The following TESK2 variants were observed in gnomAD, a reference collection of about 807,000 sequenced individuals.
The protein encoded by TESK2 is dual specificity testis-specific protein kinase 2.
Under a neutral mutation model 57.1 loss-of-function variants are expected in TESK2, and 39 were observed. The ratio of observed to expected loss-of-function variants is 0.68; its 90% CI spans 0.53 to 0.89. TESK2 has a LOEUF of 0.89. Among genes scored for constraint, TESK2 ranks in the 40% least tolerant of loss-of-function variants. The probability of loss-of-function intolerance (pLI) is 0.00; values close to 1 mark genes in which losing one functional copy is unlikely to be tolerated. For synonymous variants in TESK2, 249 were observed against 267.9 expected, an observed-to-expected ratio of 0.93 and a Z score of 0.69; for missense variants, 646 against 732.1, an observed-to-expected ratio of 0.88 and a Z score of 1.36.
intron 3 of TESK2, among the ~76,000 whole-genome samples, chr1:45,409,461 T>C (rs1389273422): frequency 1.3e-5 from 2 of 152,370 alleles, no homozygotes; most frequent in Middle Eastern, 3.4e-3. Context: ...CAGAGCCACG[T>C]AGGCCAAATC....
Position 45,444,878 on chromosome 1 carries a change from C to T in TESK2, c.222+12686G>A, listed in dbSNP as rs72478601. ...GATAACAGTCCCTTCAGGAAACTAA[C>T]CCCCTGCTTGCTTGGGGATGAAACT... On this transcript the variant is annotated intron_variant, in intron 2 of 10. Coordinates refer to ENST00000372086, the MANE Select transcript of TESK2 (RefSeq NM_007170.3). 5.6e-4 allele frequency among the ~76,000 whole-genome samples: 85 copies of T among 152,204 alleles called. No homozygotes were observed. In the East Asian group the frequency reaches 0.013, roughly 23 times the overall value.
chr1:45,380,681 C>T (rs1648617763), intron 4 of TESK2, among the ~76,000 whole-genome samples: 1 of 152,180 alleles, frequency 6.6e-6, no homozygotes, highest in African/African-American at 2.4e-5. Context: ...TGGACAGCGT[C>T]AATTTAACCA....
chr1:45,469,089 T>C (rs1652665806), intron 1 of TESK2, among the ~76,000 whole-genome samples: 1 of 152,180 alleles, frequency 6.6e-6, no homozygotes, highest in Admixed American at 6.6e-5. Context: ...ATTTCATTTA[T>C]ATAGGAGTTG....
chr1:45,392,430 C>T (rs886617988), intron 3 of TESK2, among the ~76,000 whole-genome samples: 5 of 151,218 alleles, frequency 3.3e-5, no homozygotes, highest in East Asian at 2.0e-4. Flanking sequence ...TAGCCCGGCG[C>T]GGTGGCTCAC....
chr1:45,345,210 G>A lies in TESK2; in HGVS notation c.1346C>T (p.Pro449Leu). The A allele has an allele frequency of 6.2e-7, 1 of 1,614,140 alleles. No homozygotes were observed. The highest frequency in any genetic ancestry group is 8.5e-7 in the Non-Finnish European group (1 of 1,179,974). ...CAAGGAACGCCACCGGCGAATAGGT[G>A]GGGCCAGGGGCTCCTGCCAGTCAGC... ...PLADWQEPLA[P>L]PIRRWRSLPG... The change falls in exon 11 of 11, where the codon CCA becomes CTA. Residue 449 changes from proline (P) to leucine (L), a missense_variant. Transcript: ENST00000372086.
At chr1:45,367,939 G>A (rs571765204) in intron 4 of TESK2, among the ~76,000 whole-genome samples, 168 of 150,498 alleles carry the variant, frequency 1.1e-3, no homozygotes, top group Non-Finnish European at 1.9e-3. Context: ...GATTACAGGC[G>A]TAAGCCACCA....
At chr1:45,358,927 A>T (rs757698045) in intron 4 of TESK2, among the ~76,000 whole-genome samples, 2 of 152,214 alleles carry the variant, frequency 1.3e-5, no homozygotes, top group Non-Finnish European at 2.9e-5. Flanking sequence ...AGAGAGCCTC[A>T]TGCAGCACAG....
intron 2 of TESK2, among the ~76,000 whole-genome samples, chr1:45,436,866 C>T (rs919816983): frequency 1.5e-4 from 23 of 149,176 alleles, no homozygotes; most frequent in Admixed American, 1.1e-3. Flanking sequence ...GGCACAATCT[C>T]GGCTCACTGC....
rs187620988 is a variant in TESK2, at chr1:45,484,211, T to G, written c.-87+6641A>C. Among the ~76,000 whole-genome samples, 65 of 149,492 alleles carry G rather than the reference T, an allele frequency of 4.3e-4. 3 individuals are homozygous for G. Among genetic ancestry groups the G allele is most frequent in the African/African-American group, 1.6e-3 (63 of 40,606 alleles). ...GCAACCTGCGCCTTCCTGGTTCAAG[T>G]GATTCTCCTACCTCGGCCTCCCGAG... On this transcript the variant is annotated intron_variant, in intron 1 of 10. Transcript: ENST00000372086.
intron 5 of TESK2, among the ~76,000 whole-genome samples, chr1:45,355,019 A>T (rs541284573): frequency 1.3e-5 from 2 of 151,508 alleles, no homozygotes; most frequent in Admixed American, 6.6e-5. Flanking sequence ...TTCTGCCTCT[A>T]CTAAAAATTA....
rs1280717521 is a variant in TESK2 at position 45,347,118 on chromosome 1, TG to T, written c.709-57del. ...TTAATGGGTTGAGGGGTAGGGTATC[TG>T]CCCCTGCCCCTGCCTCCCCTGCACC... On this transcript the variant is annotated intron_variant, in intron 7 of 10. Coordinates refer to ENST00000372086, the MANE Select transcript of TESK2 (RefSeq NM_007170.3). The T allele has an allele frequency of 1.7e-5, 24 of 1,430,130 alleles. 1 individual carries two copies. In the African/African-American group the frequency reaches 3.4e-4, roughly 20 times the overall value. 88.6% of individuals were successfully genotyped at this position (1,430,130 alleles called of 1,614,324 possible).
chr1:45,452,101 T>G (rs886895012), intron 2 of TESK2, among the ~76,000 whole-genome samples: 1 of 151,756 alleles, frequency 6.6e-6, no homozygotes, highest in Non-Finnish European at 1.5e-5. Flanking sequence ...GGTTTTTTTT[T>G]GGAGGGGCAA....
In TESK2 at chr1:45,432,690, C is replaced by CA. The variant is rs969585213; in HGVS notation, c.223-10845dup. ...TGGGCAAAAGAGCCAGACTCCGTCT[C>CA]AAAAAAAAAAGATATATACAATACA... On this transcript the variant is annotated intron_variant, in intron 2 of 10. Coordinates refer to ENST00000372086, the MANE Select transcript of TESK2 (RefSeq NM_007170.3). Among the ~76,000 whole-genome samples, 63 of 121,368 alleles carry CA rather than the reference C, an allele frequency of 5.2e-4. No homozygotes were observed. In the East Asian group the frequency reaches 6.2e-3, roughly 12 times the overall value. The allele number at this position is 121,368 out of a possible 152,430, so 79.6% of individuals were successfully genotyped here.
intron 1 of TESK2, among the ~76,000 whole-genome samples, chr1:45,461,288 G>A (rs954891727): frequency 6.6e-6 from 1 of 152,100 alleles, no homozygotes; most frequent in African/African-American, 2.4e-5. Context: ...AAGAGGCAGA[G>A]ATTGCAGTGA....
intron 1 of TESK2, among the ~76,000 whole-genome samples, chr1:45,459,341 T>G (rs1160876888): frequency 6.6e-6 from 1 of 152,204 alleles, no homozygotes; most frequent in African/African-American, 2.4e-5. Context: ...CCTATTCTGC[T>G]CTAATCCCCA....
intron 3 of TESK2, among the ~76,000 whole-genome samples, chr1:45,389,873 T>C (rs1289222854): frequency 1.3e-5 from 2 of 152,240 alleles, no homozygotes; most frequent in African/African-American, 2.4e-5. Flanking sequence ...TATTTTATCA[T>C]TATTAACAAT....
chr1:45,477,610 A>G (rs1653050109), intron 1 of TESK2, among the ~76,000 whole-genome samples: 1 of 152,054 alleles, frequency 6.6e-6, no homozygotes, highest in Non-Finnish European at 1.5e-5. Context: ...CAGCTGAACG[A>G]GACTCCATCT....
At chr1:45,379,247 C>A (rs893848322) in intron 4 of TESK2, among the ~76,000 whole-genome samples, 3 of 152,276 alleles carry the variant, frequency 2.0e-5, no homozygotes, top group Admixed American at 1.3e-4. Flanking sequence ...CTCATTGAAG[C>A]CTTGCCCTCC....
chr1:45,359,034 T>A (rs1208532147), intron 4 of TESK2, among the ~76,000 whole-genome samples: 1 of 152,250 alleles, frequency 6.6e-6, no homozygotes, highest in Admixed American at 6.5e-5. Flanking sequence ...AGCCTAAAAT[T>A]TATATCTTAA....
Sources: allele counts gnomAD v4.1 joint callset (sites outside exome capture counted in the v4.1 genomes callset), GRCh38; gene constraint gnomAD v4.1.1; transcripts MANE v1.5; gene names NCBI Gene and HGNC (gene_info 2026-07-23, HGNC 2026-07-21).